FLT1: variants seen among roughly 807,000 people sequenced by gnomAD.
FLT1 encodes vascular endothelial growth factor receptor 1.
FLT1 carries 49 observed loss-of-function variants against 156.3 expected under a neutral mutation model. The ratio of observed to expected loss-of-function variants is 0.31; its 90% CI spans 0.25 to 0.40. The LOEUF (loss-of-function observed/expected upper bound fraction) is 0.40, where lower values mean the gene tolerates loss of function less well. Ranked by LOEUF, FLT1 falls within the 10% of genes least tolerant of loss-of-function variation. The pLI is 1.00. For synonymous variants in FLT1, 594 were observed against 583.8 expected, an observed-to-expected ratio of 1.02 and a Z score of -0.25; for missense variants, 1,322 against 1,637.2, an observed-to-expected ratio of 0.81 and a Z score of 3.32.
In FLT1 at chr13:28,300,527, A is replaced by ACCCACACC. The variant is rs1555297476; in HGVS notation, c.*2639_*2640insGGTGTGGG. The ACCCACACC allele has an allele frequency of 2.8e-4, 7 of 24,706 alleles. No homozygotes were observed. The East Asian group carries it at 3.3e-3, about 12-fold the overall frequency. The allele number at this position is 24,706 out of a possible 1,614,324, so 1.5% of individuals were successfully genotyped here. The stretch of plus-strand genomic sequence containing the variant: ...GCACAAAACACACATACACCCACAC[A>ACCCACACC]CACACACACACACACACACACACAC... On this transcript the variant is annotated 3_prime_UTR_variant, in exon 30 of 30. Transcript: ENST00000282397.
intron 14 of FLT1, among the ~76,000 whole-genome samples, chr13:28,367,436 T>C (rs938229868): frequency 6.6e-5 from 10 of 152,218 alleles, no homozygotes; most frequent in African/African-American, 2.4e-4. Flanking sequence ...CCTAATTTAT[T>C]CATGGGATGT....
At chr13:28,372,475 A>G (rs1337073463) in intron 14 of FLT1, among the ~76,000 whole-genome samples, 1 of 150,466 alleles carries the variant, frequency 6.6e-6, no homozygotes, top group Admixed American at 6.7e-5. Context: ...AACAGTTAAT[A>G]TGTATTACCT....
intron 14 of FLT1, among the ~76,000 whole-genome samples, chr13:28,359,698 C>T (rs185946288): frequency 1.1e-4 from 17 of 152,192 alleles, no homozygotes; most frequent in Admixed American, 1.1e-3. Context: ...AACAAGGAAA[C>T]CAATAATCCT....
At chr13:28,410,677 G>C (rs371516721) in intron 10 of FLT1, among the ~76,000 whole-genome samples, 1 of 152,188 alleles carries the variant, frequency 6.6e-6, no homozygotes, top group African/African-American at 2.4e-5. Context: ...AACAAGTTTT[G>C]TGAGCTGCTA....
chr13:28,395,111 G>A (rs1203218092), intron 12 of FLT1, among the ~76,000 whole-genome samples: 1 of 152,184 alleles, frequency 6.6e-6, no homozygotes, highest in Non-Finnish European at 1.5e-5. Flanking sequence ...AATCTGAGTA[G>A]TCTCAGAGCT....
At chr13:28,456,593 C>T (rs1228531486) in intron 3 of FLT1, among the ~76,000 whole-genome samples, 1 of 151,816 alleles carries the variant, frequency 6.6e-6, no homozygotes, top group Non-Finnish European at 1.5e-5. Flanking sequence ...GTCAGGAGCT[C>T]GAGACCAGCC....
At chr13:28,381,381 AC>A (rs1367982451) in intron 14 of FLT1, among the ~76,000 whole-genome samples, 58 of 151,796 alleles carry the variant, frequency 3.8e-4, no homozygotes, top group African/African-American at 2.4e-5. Context: ...ACATGGTGAA[AC>A]CCCCATCTCT....
At chr13:28,362,869 G>A (rs796722620) in intron 14 of FLT1, among the ~76,000 whole-genome samples, 17 of 152,196 alleles carry the variant, frequency 1.1e-4, no homozygotes, top group African/African-American at 4.1e-4. Context: ...AAATTCAACA[G>A]GCAAAGCTCT....
chr13:28,400,433 A>C (rs1875363478), intron 11 of FLT1, among the ~76,000 whole-genome samples: 1 of 152,218 alleles, frequency 6.6e-6, no homozygotes. Context: ...TTTCTAGAGT[A>C]CTTCTCTTTC....
chr13:28,358,991 T>A (rs1873011507), intron 14 of FLT1, among the ~76,000 whole-genome samples: 1 of 152,142 alleles, frequency 6.6e-6, no homozygotes, highest in Admixed American at 6.5e-5. Flanking sequence ...AGGAATTGAG[T>A]ACTTGTTCCA....
At chr13:28,451,267 C>A (rs541472478) in intron 3 of FLT1, among the ~76,000 whole-genome samples, 1 of 152,078 alleles carries the variant, frequency 6.6e-6, no homozygotes, top group East Asian at 1.9e-4. Context: ...TACTAAAATA[C>A]AAAAAATTAG....
At chr13:28,473,725 AGAAAGAAGGAAGGAAG>A (rs1352870447) in intron 1 of FLT1, among the ~76,000 whole-genome samples, 1,128 of 89,216 alleles carry the variant, frequency 0.013, 43 homozygotes, top group African/African-American at 0.039. Flanking sequence ...AAAGAAAGAA[AGAAAGAAGGAAGGAAG>A]GAAGGAAGGA....
intron 3 of FLT1, among the ~76,000 whole-genome samples, chr13:28,445,769 C>A (rs574853542): frequency 6.6e-6 from 1 of 152,248 alleles, no homozygotes; most frequent in Non-Finnish European, 1.5e-5. Flanking sequence ...TTTTCACAAA[C>A]TTTTCCAAAA....
intron 14 of FLT1, among the ~76,000 whole-genome samples, chr13:28,378,709 T>C (rs1221342644): frequency 1.3e-5 from 2 of 152,168 alleles, no homozygotes; most frequent in African/African-American, 2.4e-5. Flanking sequence ...ATTAGGTAAG[T>C]TCTAAAGCAG....
chr13:28,321,720 G>A, intron 22 of FLT1, 135 bp from the exon 23 acceptor site: 2 of 846,550 alleles, frequency 2.4e-6, no homozygotes, highest in South Asian at 2.9e-5. Flanking sequence ...GGTGCACACA[G>A]AGTTACCATA....
intron 6 of FLT1, 56 bp downstream of exon 6, chr13:28,433,762 GA>G: frequency 6.5e-7 from 1 of 1,537,994 alleles, no homozygotes; most frequent in South Asian, 1.1e-5. Context: ...ACCCCTGCGG[GA>G]TTTCACTTGC....
At chr13:28,436,623 C>A (rs970835378) in intron 4 of FLT1, among the ~76,000 whole-genome samples, 32 of 152,154 alleles carry the variant, frequency 2.1e-4, no homozygotes, top group African/African-American at 7.5e-4. Flanking sequence ...TCCCTCTCCA[C>A]GTGGTGTTTT....
At chr13:28,358,364 T>G (rs900676406) in intron 14 of FLT1, among the ~76,000 whole-genome samples, 1 of 152,252 alleles carries the variant, frequency 6.6e-6, no homozygotes, top group Non-Finnish European at 1.5e-5. Context: ...TTAGGCAAGT[T>G]ACTTGATCTT....
rs1223521028 is a variant in FLT1 at position 28,473,800 on chromosome 13, AAG to A, written c.65-6185_65-6184del. On this transcript the variant is annotated intron_variant, in intron 1 of 29. Coordinates refer to ENST00000282397, the MANE Select transcript of FLT1 (RefSeq NM_002019.4). ...AAGGAAAGAAAGAAAGAAAGAAAGA[AAG>A]AAAGAAAGAAAGAAAGAAAGAAAGA... is the stretch of plus-strand genomic sequence containing the variant. Among the ~76,000 whole-genome samples, 17 of 131,890 alleles carry A rather than the reference AAG, an allele frequency of 1.3e-4. 1 individual carries two copies. The highest frequency in any genetic ancestry group is 4.5e-4 in the African/African-American group (15 of 33,114). The allele number at this position is 131,890 out of a possible 152,430, so 86.5% of individuals were successfully genotyped here. A position where few individuals can be genotyped will look rare whatever the true frequency, so the allele number is the denominator to read the frequency against.
Sources: allele counts gnomAD v4.1 joint callset (sites outside exome capture counted in the v4.1 genomes callset), GRCh38; gene constraint gnomAD v4.1.1; transcripts MANE v1.5; gene names NCBI Gene and HGNC (gene_info 2026-07-23, HGNC 2026-07-21).